SLC36A3: variants seen among roughly 807,000 people sequenced by gnomAD.
SLC36A3 encodes proton-coupled amino acid transporter 3.
A neutral mutation model predicts 44.3 loss-of-function variants in SLC36A3; 35 were observed. The ratio of observed to expected loss-of-function variants is 0.79; its 90% CI spans 0.60 to 1.05. The LOEUF (loss-of-function observed/expected upper bound fraction) is 1.05, where lower values mean the gene tolerates loss of function less well. SLC36A3 is among the 50% of genes least tolerant of loss of function. SLC36A3 has a pLI of 0.00. For synonymous variants in SLC36A3, 211 were observed against 227.6 expected (o/e 0.93, Z 0.66); for missense variants, 540 against 578.7 (o/e 0.93, Z 0.69).
At position 151,289,797 on chromosome 5, in the gene SLC36A3, T is replaced by C. The variant is rs553321046; in HGVS notation, c.405-1327A>G. On this transcript the variant is annotated intron_variant, in intron 4 of 9. Coordinates refer to ENST00000335230, the MANE Select transcript of SLC36A3 (RefSeq NM_181774.4). ...AGTTTTGTACCTCTATTTCATCATA[T>C]TGGGAGGCACATGATATCCTGTTGT... Among the ~76,000 whole-genome samples, 274 of 152,302 alleles carry C rather than the reference T, an allele frequency of 1.8e-3. 1 individual carries two copies. The highest frequency in any genetic ancestry group is 6.4e-3 in the African/African-American group (264 of 41,562).
chr5:151,298,520 G>T, intron 2 of SLC36A3, 73 bp downstream of exon 2: 1 of 1,451,098 alleles, frequency 6.9e-7, no homozygotes, highest in Non-Finnish European at 9.6e-7. Context: ...ATAACAGTGT[G>T]AAGGCCTTCA....
chr5:151,283,997 C>A (rs1261434861), intron 8 of SLC36A3, 47 bp downstream of exon 8: 2 of 1,558,050 alleles, frequency 1.3e-6, no homozygotes, highest in Non-Finnish European at 1.7e-6. Flanking sequence ...ACAACCAGAA[C>A]AGTTCCAGTG....
At chr5:151,280,153 T>C (rs944908577) in intron 9 of SLC36A3, among the ~76,000 whole-genome samples, 1 of 151,804 alleles carries the variant, frequency 6.6e-6, no homozygotes, top group African/African-American at 2.4e-5. Flanking sequence ...GAGAGAAGAG[T>C]ACAGCCAAAA....
At chr5:151,290,659 G>A (rs1177792872) in intron 4 of SLC36A3, among the ~76,000 whole-genome samples, 1 of 152,146 alleles carries the variant, frequency 6.6e-6, no homozygotes, top group East Asian at 1.9e-4. Flanking sequence ...ACTTTGCAAG[G>A]CCGAGGCGGG....
intron 8 of SLC36A3, among the ~76,000 whole-genome samples, 183 bp downstream of exon 8, chr5:151,283,861 C>T (rs1754424159): frequency 6.6e-6 from 1 of 152,234 alleles, no homozygotes; most frequent in Admixed American, 6.5e-5. Context: ...CTTCCCTGCC[C>T]CCTTGGAGTG....
intron 3 of SLC36A3, among the ~76,000 whole-genome samples, chr5:151,294,062 A>G (rs1468105727): frequency 6.6e-6 from 1 of 152,212 alleles, no homozygotes; most frequent in Non-Finnish European, 1.5e-5. Flanking sequence ...CACGGCATAA[A>G]TTGCAGGACT....
Position 151,276,653 on chromosome 5 carries a change from G to A in SLC36A3, c.*740C>T, listed in dbSNP as rs1754102708. 6.6e-6 allele frequency: 1 copy of A among 152,226 alleles called. No individual in the cohort carries two copies. Among genetic ancestry groups the A allele is most frequent in the African/African-American group, 2.4e-5 (1 of 41,468 alleles). 9.4% of individuals were successfully genotyped at this position (152,226 alleles called of 1,614,324 possible). A position where few individuals can be genotyped will look rare whatever the true frequency, so the allele number is the denominator to read the frequency against. ...GGTAGGTATATGTTTAAGTTTTAAA[G>A]AAACTACAAGATGTTTATCAAACTG... On this transcript the variant is annotated 3_prime_UTR_variant, in exon 10 of 10. Coordinates refer to ENST00000335230, the MANE Select transcript of SLC36A3 (RefSeq NM_181774.4).
At position 151,303,156 on chromosome 5, in the gene SLC36A3, A is replaced by G. The variant is rs1755222657; in HGVS notation, c.128+71T>C. On this transcript the variant is annotated intron_variant, in intron 1 of 9. Coordinates refer to ENST00000335230, the MANE Select transcript of SLC36A3 (RefSeq NM_181774.4). ...AGCGTGTTAAGGAGATAGATGAAGG[A>G]AGACATAGTCCAGAGTTGCAAAAAC... 3 of 1,534,464 alleles carry G rather than the reference A, an allele frequency of 2.0e-6. No homozygotes were observed. In the African/African-American group the frequency reaches 4.1e-5, roughly 21 times the overall value.
intron 9 of SLC36A3, among the ~76,000 whole-genome samples, chr5:151,279,147 A>C (rs750820594): frequency 6.6e-6 from 1 of 151,380 alleles, no homozygotes; most frequent in Admixed American, 6.6e-5. Context: ...TCTATTTGCT[A>C]CTTATTTAGG....
intron 9 of SLC36A3, among the ~76,000 whole-genome samples, chr5:151,279,034 A>C (rs1754210118): frequency 6.6e-6 from 1 of 152,110 alleles, no homozygotes; most frequent in East Asian, 1.9e-4. Flanking sequence ...CTCTGACCTC[A>C]TCTCTCAGCA....
Position 151,277,281 on chromosome 5 carries a change from A to T in SLC36A3, c.*112T>A. ...CTGCATTTCTCTTGGAAAGATAAAG[A>T]CGCCACTAATTAATATAGAGATGTT... is the stretch of plus-strand genomic sequence containing the variant. On this transcript the variant is annotated 3_prime_UTR_variant, in exon 10 of 10. Transcript: ENST00000335230. The T allele has an allele frequency of 7.4e-7, 1 of 1,357,052 alleles. No homozygotes were observed. The highest frequency in any genetic ancestry group is 1.0e-6 in the Non-Finnish European group (1 of 986,958). The allele number at this position is 1,357,052 out of a possible 1,614,324, so 84.1% of individuals were successfully genotyped here. A position where few individuals can be genotyped will look rare whatever the true frequency, so the allele number is the denominator to read the frequency against.
chr5:151,278,728 A>G (rs1754196584), intron 9 of SLC36A3, among the ~76,000 whole-genome samples: 1 of 152,222 alleles, frequency 6.6e-6, no homozygotes, highest in South Asian at 2.1e-4. Flanking sequence ...AGAGACTCAT[A>G]GACTCTCATG....
At chr5:151,281,365 G>C (rs1420869185) in intron 8 of SLC36A3, among the ~76,000 whole-genome samples, 182 bp from the exon 9 acceptor site, 1 of 152,142 alleles carries the variant, frequency 6.6e-6, no homozygotes, top group Non-Finnish European at 1.5e-5. Flanking sequence ...TACTCAATCT[G>C]TACTTTTCAC....
In SLC36A3 at chr5:151,287,254, T is replaced by G; in HGVS notation, c.700A>C (p.Ile234Leu). 6.2e-7 allele frequency: 1 copy of G among 1,614,066 alleles called. No individual in the cohort carries two copies. The highest frequency in any genetic ancestry group is 8.5e-7 in the Non-Finnish European group (1 of 1,180,006). ...TTCCCTATGGCACAGACCTCCATGA[T>G]ATACTCAAAGATCAGAGCCATGCTC... ...LGSMALIFEY[I>L]MEGIPYPSNL... Residue 234 changes from isoleucine to leucine, a missense_variant, in exon 6 of 10, where the codon ATC becomes CTC. Ile to Leu is a conservative substitution (Grantham distance 5). Transcript: ENST00000335230.
intron 1 of SLC36A3, among the ~76,000 whole-genome samples, chr5:151,302,368 T>C (rs1173409534): frequency 6.6e-6 from 1 of 152,204 alleles, no homozygotes; most frequent in African/African-American, 2.4e-5. Flanking sequence ...GATAGCAGTG[T>C]GATTGACAGT....
rs1206385133 is a variant in SLC36A3, at chr5:151,277,387, A to G, written c.*6T>C. The G allele has an allele frequency of 1.2e-6, 2 of 1,613,408 alleles. No homozygotes were observed. The highest frequency in any genetic ancestry group is 2.7e-5 in the African/African-American group (2 of 74,908). Reference sequence around the variant, plus strand: ...AAGGGAGAGCTATTAGAATAAAAACAGATAATTATGCATGGACACCTGTGG... The same window carrying G: ...AAGGGAGAGCTATTAGAATAAAAACGGATAATTATGCATGGACACCTGTGG... On this transcript the variant is annotated 3_prime_UTR_variant, in exon 10 of 10. Transcript: ENST00000335230.
chr5:151,282,886 CTTTTTT>C (rs11362344), intron 8 of SLC36A3, among the ~76,000 whole-genome samples: 15,687 of 142,656 alleles, frequency 0.11, 931 homozygotes, highest in East Asian at 0.22. Context: ...TTCTTTCTTT[CTTTTTT>C]TTTTTTTTTG....
chr5:151,296,519 C>T (rs1944594422), intron 2 of SLC36A3: 1 of 534,362 alleles, frequency 1.9e-6, no homozygotes, highest in African/African-American at 1.9e-5. Flanking sequence ...CCCACATAGC[C>T]CATGCATTTT....
In SLC36A3 at chr5:151,277,292, T is replaced by C; in HGVS notation, c.*101A>G. The stretch of plus-strand genomic sequence containing the variant: ...TTGGAAAGATAAAGACGCCACTAAT[T>C]AATATAGAGATGTTGGGATTTGATG... On this transcript the variant is annotated 3_prime_UTR_variant, in exon 10 of 10. Transcript: ENST00000335230. 7.0e-7 allele frequency: 1 copy of C among 1,438,554 alleles called. No homozygotes were observed. The allele number at this position is 1,438,554 out of a possible 1,614,324, so 89.1% of individuals were successfully genotyped here. A position where few individuals can be genotyped will look rare whatever the true frequency, so the allele number is the denominator to read the frequency against.
Sources: allele counts gnomAD v4.1 joint callset (sites outside exome capture counted in the v4.1 genomes callset), GRCh38; gene constraint gnomAD v4.1.1; transcripts MANE v1.5; gene names NCBI Gene and HGNC (gene_info 2026-07-23, HGNC 2026-07-21).